Variants in IQSEC1 observed in about 807,000 individuals in gnomAD.
The protein encoded by IQSEC1 is IQ motif and Sec7 domain ArfGEF 1.
In IQSEC1, 31 loss-of-function variants were observed where a neutral mutation model predicts 91.0. The observed-to-expected ratio is 0.34, with a 90% CI of 0.26 to 0.46. The LOEUF (loss-of-function observed/expected upper bound fraction) is 0.46, where lower values mean the gene tolerates loss of function less well. Among genes scored for constraint, IQSEC1 ranks in the 20% least tolerant of loss-of-function variants. IQSEC1 has a pLI of 1.00. For synonymous variants in IQSEC1, 699 were observed against 662.6 expected (o/e 1.05, Z -0.84); for missense variants, 1,388 against 1,575.6 (o/e 0.88, Z 2.02).
rs552692615 is a variant in IQSEC1 at position 12,955,054 on chromosome 3, G to A, written c.24-13189C>T. ...AGTCACATAGCTGATGCGCAGCCCA[G>A]CCTGGCAGAGCCCCGTGACTCTGGA... On this transcript the variant is annotated intron_variant, in intron 1 of 13. Coordinates refer to ENST00000613206, the MANE Select transcript of IQSEC1 (RefSeq NM_001134382.3). Among the ~76,000 whole-genome samples, 12 of 152,350 alleles carry A rather than the reference G, an allele frequency of 7.9e-5. 1 individual carries two copies. The South Asian group carries it at 2.5e-3, about 32-fold the overall frequency.
chr3:12,938,747 AG>A (rs999481814), intron 2 of IQSEC1, among the ~76,000 whole-genome samples: 4 of 152,148 alleles, frequency 2.6e-5, no homozygotes, highest in Non-Finnish European at 5.9e-5. Flanking sequence ...AGCTCCCCGC[AG>A]GGCCTTCTCA....
At chr3:13,260,749 C>G (rs1695368557) in intron 1 of IQSEC1, among the ~76,000 whole-genome samples, 1 of 148,870 alleles carries the variant, frequency 6.7e-6, no homozygotes, top group Non-Finnish European at 1.5e-5. Context: ...CCACAGTCCT[C>G]CTGGCAGGGT....
chr3:13,222,680 A>T lies in IQSEC1; in HGVS notation c.273-58547T>A, dbSNP rs533331044. Among the ~76,000 whole-genome samples the T allele has an allele frequency of 9.2e-5, 14 of 152,296 alleles. No homozygotes were observed. The South Asian group carries it at 1.7e-3, about 18-fold the overall frequency. Reference sequence around the variant, plus strand: ...GACGCTGGGGGCCAAGCTCGGTGGTAGAGGCCATTGAAAGCACTCCCAGGT... The same window carrying T: ...GACGCTGGGGGCCAAGCTCGGTGGTTGAGGCCATTGAAAGCACTCCCAGGT... On this transcript the variant is annotated intron_variant, in intron 1 of 15. Coordinates refer to the IQSEC1 transcript ENST00000648114.
intron 2 of IQSEC1, among the ~76,000 whole-genome samples, chr3:13,088,417 C>G (rs1172428318): frequency 4.6e-5 from 7 of 152,098 alleles, no homozygotes; most frequent in Admixed American, 3.9e-4. Context: ...CCACCAGCTT[C>G]CCGAAGCCTG....
intron 1 of IQSEC1, among the ~76,000 whole-genome samples, chr3:12,966,445 A>AC (rs1271721208): frequency 1.3e-5 from 2 of 151,940 alleles, no homozygotes; most frequent in African/African-American, 2.4e-5. Flanking sequence ...CCTTAGCCCC[A>AC]CCCCCCTGCT....
chr3:13,255,092 A>C (rs1695263187), intron 1 of IQSEC1, among the ~76,000 whole-genome samples: 1 of 152,206 alleles, frequency 6.6e-6, no homozygotes, highest in African/African-American at 2.4e-5. Context: ...TGTTAATTCA[A>C]AACTAATTTT....
chr3:13,088,244 C>A (rs1042438785), intron 2 of IQSEC1, among the ~76,000 whole-genome samples: 1 of 152,238 alleles, frequency 6.6e-6, no homozygotes, highest in African/African-American at 2.4e-5. Context: ...GGCGAAGGAA[C>A]AGATGAAAGT....
intron 3 of IQSEC1, among the ~76,000 whole-genome samples, chr3:12,934,146 C>T (rs1697954367): frequency 1.3e-5 from 2 of 152,216 alleles, no homozygotes; most frequent in South Asian, 2.1e-4. Context: ...TTGCTCCGGC[C>T]GTGGCCTGTG....
intron 2 of IQSEC1, among the ~76,000 whole-genome samples, chr3:13,115,358 G>A (rs1176804932): frequency 6.6e-6 from 1 of 152,178 alleles, no homozygotes; most frequent in African/African-American, 2.4e-5. Flanking sequence ...ATGAGGGCCT[G>A]GCCAGAAGTG....
At chr3:13,022,301 C>G in intron 1 of IQSEC1, 1 of 1,213,416 alleles carries the variant, frequency 8.2e-7, no homozygotes. Context: ...CAGGGCTGAG[C>G]CACAGGCCCC....
intron 1 of IQSEC1, among the ~76,000 whole-genome samples, chr3:13,173,581 C>G (rs1306664097): frequency 6.6e-6 from 1 of 152,236 alleles, no homozygotes; most frequent in African/African-American, 2.4e-5. Context: ...CCTGTGGGCT[C>G]TGTGGACAAT....
chr3:12,993,949 C>T (rs1702110320), intron 1 of IQSEC1, among the ~76,000 whole-genome samples: 1 of 151,760 alleles, frequency 6.6e-6, no homozygotes, highest in African/African-American at 2.4e-5. Context: ...GGTGCAACCG[C>T]GGCCCCGGGG....
chr3:13,056,703 C>A (rs990015463), intron 1 of IQSEC1, among the ~76,000 whole-genome samples: 2 of 152,134 alleles, frequency 1.3e-5, no homozygotes, highest in East Asian at 3.9e-4. Flanking sequence ...CATTCTGAGC[C>A]CTCCCAACCT....
intron 5 of IQSEC1, 59 bp from the exon 6 acceptor site, chr3:12,920,655 C>A (rs1242890130): frequency 1.3e-6 from 2 of 1,554,438 alleles, no homozygotes; most frequent in African/African-American, 2.7e-5. Flanking sequence ...CGGCCCCTCT[C>A]TCACCCGCTG....
chr3:12,953,010 G>A (rs1167250497), intron 1 of IQSEC1, among the ~76,000 whole-genome samples: 7 of 152,222 alleles, frequency 4.6e-5, no homozygotes, highest in Admixed American at 3.3e-4. Flanking sequence ...CCTCCTCTGG[G>A]GCCTCACTGT....
rs1457882418 is a variant in IQSEC1, at chr3:12,899,562, G to A, written c.*1421C>T. 2 of 1,495,358 alleles carry A rather than the reference G, an allele frequency of 1.3e-6. No individual in the cohort carries two copies. Among genetic ancestry groups the A allele is most frequent in the East Asian group, 2.5e-5 (1 of 39,810 alleles). 92.6% of individuals were successfully genotyped at this position (1,495,358 alleles called of 1,614,324 possible). A position where few individuals can be genotyped will look rare whatever the true frequency, so the allele number is the denominator to read the frequency against. ...ACAGCTGAGAGTCATGTGATGCCCT[G>A]GCAGCTCACTGGACCATGGGAAGGC... is the stretch of plus-strand genomic sequence containing the variant. On this transcript the variant is annotated 3_prime_UTR_variant, in exon 14 of 14. Transcript: ENST00000613206.
At chr3:12,952,333 C>G (rs1699604781) in intron 1 of IQSEC1, among the ~76,000 whole-genome samples, 1 of 152,106 alleles carries the variant, frequency 6.6e-6, no homozygotes, top group South Asian at 2.1e-4. Flanking sequence ...CAGTTGGGGT[C>G]CTTGGAGCTG....
chr3:13,173,874 A>C (rs1693667476), intron 1 of IQSEC1, among the ~76,000 whole-genome samples: 1 of 152,224 alleles, frequency 6.6e-6, no homozygotes, highest in African/African-American at 2.4e-5. Context: ...GATCTCCTGA[A>C]TCAGGAACTC....
chr3:12,938,183 G>A (rs1317681181), intron 2 of IQSEC1, among the ~76,000 whole-genome samples: 2 of 152,226 alleles, frequency 1.3e-5, no homozygotes, highest in Non-Finnish European at 2.9e-5. Context: ...GCAAAGCGTT[G>A]CACCTGCCTG....
Sources: gnomAD v4.1 joint callset for allele counts (sites outside exome capture counted in the v4.1 genomes callset) on GRCh38, gnomAD v4.1.1 for gene constraint, MANE v1.5 for transcripts, NCBI Gene and HGNC (gene_info 2026-07-23, HGNC 2026-07-21) for gene names.